The following NOS2 variants were observed in gnomAD, a reference collection of about 807,000 sequenced individuals.
The protein encoded by NOS2 is nitric oxide synthase 2, also known as nitric oxide synthase, inducible.
In NOS2, 96 loss-of-function variants were observed where a neutral mutation model predicts 136.0. The ratio of observed to expected loss-of-function variants is 0.71; its 90% CI spans 0.60 to 0.84. The LOEUF is 0.84. NOS2 is among the 40% of genes least tolerant of loss of function. NOS2 has a pLI of 0.00. For synonymous variants in NOS2, 539 were observed against 587.5 expected (o/e 0.92, Z 1.20); for missense variants, 1,237 against 1,496.9 (o/e 0.83, Z 2.87).
intron 22 of NOS2, among the ~76,000 whole-genome samples, chr17:27,761,760 C>T (rs1158242383): frequency 6.6e-6 from 1 of 152,154 alleles, no homozygotes; most frequent in African/African-American, 2.4e-5. Flanking sequence ...TCAGTGGGCC[C>T]TCCTGGGCTT....
chr17:27,760,532 G>C, intron 24 of NOS2, 91 bp downstream of exon 24: 27 of 1,523,094 alleles, frequency 1.8e-5, no homozygotes, highest in Non-Finnish European at 2.4e-5. Flanking sequence ...CCTCGAGAGA[G>C]GTCAGGAACC....
chr17:27,765,091 G>A (rs1433821289), intron 20 of NOS2, among the ~76,000 whole-genome samples: 1 of 152,186 alleles, frequency 6.6e-6, no homozygotes, highest in East Asian at 1.9e-4. Context: ...CGATTCTTGT[G>A]CCTCAGCCTC....
intron 3 of NOS2, 74 bp from the exon 4 acceptor site, chr17:27,789,005 GA>G: frequency 6.4e-7 from 1 of 1,558,954 alleles, no homozygotes; most frequent in Non-Finnish European, 8.7e-7. Flanking sequence ...TTAGAGTGGG[GA>G]AGGATCTATG....
intron 5 of NOS2, 147 bp downstream of exon 5, chr17:27,787,531 G>A (rs954431076): frequency 3.7e-5 from 24 of 657,078 alleles, no homozygotes; most frequent in Non-Finnish European, 5.6e-5. Flanking sequence ...CTAGAAAACC[G>A]TGATTTTCGC....
intron 20 of NOS2, among the ~76,000 whole-genome samples, chr17:27,764,914 C>T (rs1344239067): frequency 2.0e-5 from 3 of 152,236 alleles, no homozygotes; most frequent in East Asian, 1.9e-4. Context: ...GTCGTCCCCA[C>T]GTCTCAGGTT....
Position 27,764,079 on chromosome 17 carries a change from G to C in NOS2, c.2494C>G (p.Leu832Val), listed in dbSNP as rs372451810. ...CSLSQALTYFLDITTPPTQLL... is the reference protein window; with the variant it reads ...CSLSQALTYFVDITTPPTQLL... ...TGGGTTGGGGGTGTGGTGATGTCCAGGAAGTAGGTGAGGGCCTGGCTGAGT... is the reference window on the plus strand; with the variant it reads ...TGGGTTGGGGGTGTGGTGATGTCCACGAAGTAGGTGAGGGCCTGGCTGAGT... The change falls in exon 21 of 27, where the codon CTG becomes GTG. Residue 832 changes from leucine to valine, a missense_variant. Coordinates refer to ENST00000313735, the MANE Select transcript of NOS2 (RefSeq NM_000625.4). The C allele has an allele frequency of 5.0e-6, 8 of 1,611,244 alleles. No individual in the cohort carries two copies. The highest frequency in any genetic ancestry group is 5.9e-6 in the Non-Finnish European group (7 of 1,178,804).
intron 22 of NOS2, among the ~76,000 whole-genome samples, chr17:27,762,239 C>T (rs9895831): frequency 0.48 from 73,325 of 151,960 alleles, 18,148 homozygotes; most frequent in South Asian, 0.66. Flanking sequence ...TCTCCACTGC[C>T]GCCTCTAGAT....
chr17:27,766,521 A>G lies in NOS2; in HGVS notation c.2235T>C (p.Ser745=), dbSNP rs775027943. 8 of 1,613,844 alleles carry G rather than the reference A, an allele frequency of 5.0e-6. No homozygotes were observed. Among genetic ancestry groups the G allele is most frequent in the South Asian group, 4.4e-5 (4 of 91,080 alleles). ...MRLKSRQNLQ[S]PTSSRATILV... ...GCACTTTCCCTTACCTGGATGTCGG[A>G]CTTTGTAGATTCTGCCGAGATTTGA... Residue 745 remains serine (S), a synonymous_variant, in exon 19 of 27, where the codon AGT becomes AGC. Transcript: ENST00000313735.
chr17:27,767,474 C>T (rs1375917105), intron 18 of NOS2, among the ~76,000 whole-genome samples: 1 of 152,282 alleles, frequency 6.6e-6, no homozygotes, highest in Non-Finnish European at 1.5e-5. Context: ...ACAGTAGGCC[C>T]TTGGCGGATG....
In NOS2 at chr17:27,781,125, C is replaced by G. The variant is rs143537629; in HGVS notation, c.775G>C (p.Val259Leu). Residue 259 changes from valine to leucine, a missense_variant, in exon 8 of 27, where the codon GTG becomes CTG. By Grantham distance (32) the Val-to-Leu change is conservative. This residue lies in a region of NOS2 where 440 missense variants were observed against 545.4 expected (regional missense o/e 0.81). Coordinates refer to ENST00000313735, the MANE Select transcript of NOS2 (RefSeq NM_000625.4). Reference sequence around the variant, plus strand: ...TAGCGGATGAGCTGAGCATTCCACACCCGGAAGTCGTGCTTGCCATCACTC... The same window carrying G: ...TAGCGGATGAGCTGAGCATTCCACAGCCGGAAGTCGTGCTTGCCATCACTC... ...QRSDGKHDFR[V>L]WNAQLIRYAG... is the part of the protein sequence containing the mutation. The G allele has an allele frequency of 3.1e-5, 50 of 1,612,814 alleles. No homozygotes were observed. Among genetic ancestry groups the G allele is most frequent in the Admixed American group, 1.2e-4 (7 of 60,008 alleles).
At chr17:27,771,123 C>T in intron 14 of NOS2, 106 bp from the exon 15 acceptor site, 1 of 769,474 alleles carries the variant, frequency 1.3e-6, no homozygotes, top group Non-Finnish European at 2.2e-6. Context: ...GGCTGCGGCT[C>T]CTGTGCTCAT....
chr17:27,776,008 C>T (rs4796052), intron 11 of NOS2, among the ~76,000 whole-genome samples: 29,358 of 152,114 alleles, frequency 0.19, 2,916 homozygotes, highest in Middle Eastern at 0.25. Flanking sequence ...CATTTTCACA[C>T]GGCCTGATAG....
intron 9 of NOS2, 101 bp from the exon 10 acceptor site, chr17:27,779,157 G>A: frequency 1.1e-6 from 1 of 906,572 alleles, no homozygotes; most frequent in Admixed American, 3.8e-5. Context: ...GCTCATGCTG[G>A]AGTGCAGTGC....
chr17:27,764,970 T>A (rs1908249996), intron 20 of NOS2, among the ~76,000 whole-genome samples: 1 of 152,194 alleles, frequency 6.6e-6, no homozygotes. Context: ...AGGCTCTGTT[T>A]CTCTGATCCC....
At chr17:27,765,295 C>G (rs1417790470) in intron 20 of NOS2, among the ~76,000 whole-genome samples, 2 of 152,244 alleles carry the variant, frequency 1.3e-5, no homozygotes, top group Non-Finnish European at 2.9e-5. Flanking sequence ...GCTCATCCCA[C>G]TTTCTGACTT....
chr17:27,770,488 GTAAATAAA>G (rs138657094), intron 15 of NOS2, among the ~76,000 whole-genome samples: 17 of 152,016 alleles, frequency 1.1e-4, no homozygotes, highest in Non-Finnish European at 4.4e-5. Context: ...CTCCACCTAA[GTAAATAAA>G]TAAATAAATA....
chr17:27,789,076 G>A (rs1023140955), intron 3 of NOS2, 145 bp from the exon 4 acceptor site: 21 of 1,142,702 alleles, frequency 1.8e-5, no homozygotes, highest in South Asian at 3.4e-5. Context: ...GCCCCCGGGC[G>A]ACCTGGGCCA....
In NOS2 at chr17:27,760,750, G is replaced by A. The variant is rs1275844702; in HGVS notation, c.2889-6C>T. The A allele has an allele frequency of 7.7e-6, 12 of 1,548,960 alleles. 1 individual carries two copies. The South Asian group carries it at 1.3e-4, about 17-fold the overall frequency. On this transcript the variant is annotated splice_polypyrimidine_tract_variant and splice_region_variant and intron_variant, in intron 23 of 26. Coordinates refer to ENST00000313735, the MANE Select transcript of NOS2 (RefSeq NM_000625.4). ...GGAGGTGGAAGCCGCTGGCACTGAAGAGGACAGGAGAAGAGGGGGCCAGTC... is the reference window on the plus strand; with the variant it reads ...GGAGGTGGAAGCCGCTGGCACTGAAAAGGACAGGAGAAGAGGGGGCCAGTC...
At chr17:27,794,746 A>ACACACACACC (rs1909301807) in intron 2 of NOS2, among the ~76,000 whole-genome samples, 1 of 149,074 alleles carries the variant, frequency 6.7e-6, no homozygotes, top group African/African-American at 2.5e-5. Flanking sequence ...ACACACACAC[A>ACACACACACC]CCATGCTCAT....
Sources: gnomAD v4.1 joint callset for allele counts (sites outside exome capture counted in the v4.1 genomes callset) on GRCh38, gnomAD v4.1.1 for gene constraint, gnomAD v4.1.1 regional missense constraint, MANE v1.5 for transcripts, NCBI Gene and HGNC (gene_info 2026-07-23, HGNC 2026-07-21) for gene names.